Variants in GALNT2 observed in about 807,000 individuals in gnomAD.
The protein encoded by GALNT2 is polypeptide N-acetylgalactosaminyltransferase 2.
A neutral mutation model predicts 81.4 loss-of-function variants in GALNT2; 31 were observed. That is an observed-to-expected ratio of 0.38 (90% CI 0.29 to 0.51). The LOEUF (loss-of-function observed/expected upper bound fraction) is 0.51, where lower values mean the gene tolerates loss of function less well. Ranked by LOEUF, GALNT2 falls within the 20% of genes least tolerant of loss-of-function variation. The probability of loss-of-function intolerance (pLI) is 0.87; values close to 1 mark genes in which losing one functional copy is unlikely to be tolerated. For missense variants in GALNT2, 629 were observed against 765.7 expected (o/e 0.82, Z 2.11); for synonymous variants, 303 against 287.4 (o/e 1.05, Z -0.55).
rs1016274993 is a variant in GALNT2 at position 230,207,402 on chromosome 1, CCAAA to C, written c.374+4119_374+4122del. 5.9e-5 allele frequency among the ~76,000 whole-genome samples: 9 copies of C among 152,004 alleles called. No individual in the cohort carries two copies. In the South Asian group the frequency reaches 1.0e-3, roughly 18 times the overall value. The stretch of plus-strand genomic sequence containing the variant: ...ACAAGGAATAAGGCTTCAGAGCCTC[CCAAA>C]CAAACAGACAAACAAAAAACTCTGG... On this transcript the variant is annotated intron_variant, in intron 3 of 15. Coordinates refer to ENST00000366672, the MANE Select transcript of GALNT2 (RefSeq NM_004481.5).
chr1:230,273,999 T>C (rs1354908458), intron 14 of GALNT2, among the ~76,000 whole-genome samples: 2 of 152,250 alleles, frequency 1.3e-5, no homozygotes, highest in Non-Finnish European at 2.9e-5. Flanking sequence ...TCATCAATGC[T>C]GTTTGCAGGC....
chr1:230,249,895 C>T (rs1352733658), intron 9 of GALNT2, among the ~76,000 whole-genome samples: 1 of 152,222 alleles, frequency 6.6e-6, no homozygotes, highest in Non-Finnish European at 1.5e-5. Context: ...ACACTGAATT[C>T]GCACAGCATC....
At position 230,275,457 on chromosome 1, in the gene GALNT2, T is replaced by C. The variant is rs192852627; in HGVS notation, c.1560+893T>C. Among the ~76,000 whole-genome samples, 4 of 151,196 alleles carry C rather than the reference T, an allele frequency of 2.6e-5. No individual in the cohort carries two copies. In the East Asian group the frequency reaches 7.8e-4, roughly 29 times the overall value. On this transcript the variant is annotated intron_variant, in intron 15 of 15. Transcript: ENST00000366672. This position sits in a 1 kb window ranked among gnomAD's most constrained non-coding sequence, Gnocchi z 5.5. The stretch of plus-strand genomic sequence containing the variant: ...CACATATATATACACGCCACATATA[T>C]ACATATATACAAACACCACATATAT...
chr1:230,120,484 A>G (rs1302293581), intron 1 of GALNT2, among the ~76,000 whole-genome samples: 11 of 151,998 alleles, frequency 7.2e-5, no homozygotes. Context: ...ACCTCCACAC[A>G]TCCCTGGAGT....
At chr1:230,197,766 A>G (rs917317456) in intron 2 of GALNT2, among the ~76,000 whole-genome samples, 1 of 151,960 alleles carries the variant, frequency 6.6e-6, no homozygotes, top group Admixed American at 6.5e-5. Context: ...GTGTGTGTGC[A>G]TGCGTGCGTA....
intron 1 of GALNT2, among the ~76,000 whole-genome samples, chr1:230,134,921 C>T (rs1173935125): frequency 2.0e-5 from 3 of 152,184 alleles, no homozygotes; most frequent in Non-Finnish European, 2.9e-5. Flanking sequence ...CCAGTTTCTC[C>T]GCTGTATTTA....
chr1:230,075,634 T>C (rs1374996088), intron 1 of GALNT2, among the ~76,000 whole-genome samples: 4 of 152,106 alleles, frequency 2.6e-5, no homozygotes, highest in African/African-American at 9.7e-5. Flanking sequence ...AGTACACCAG[T>C]TGTTGTAGCA....
At chr1:230,260,877 A>G (rs1414602047) in intron 11 of GALNT2, among the ~76,000 whole-genome samples, 2 of 152,092 alleles carry the variant, frequency 1.3e-5, no homozygotes, top group Non-Finnish European at 2.9e-5. Context: ...GTCAGTATCT[A>G]TTTCTGTCTC....
intron 8 of GALNT2, among the ~76,000 whole-genome samples, chr1:230,247,250 C>G (rs1009149742): frequency 1.3e-5 from 2 of 152,122 alleles, no homozygotes; most frequent in African/African-American, 4.8e-5. Context: ...TGCAAGCAAG[C>G]CTTAACCCCA....
At chr1:230,209,319 G>C (rs966914590) in intron 3 of GALNT2, among the ~76,000 whole-genome samples, 9 of 151,980 alleles carry the variant, frequency 5.9e-5, no homozygotes, top group Non-Finnish European at 1.0e-4. Context: ...GTCCTTTGTG[G>C]AGGTGATTAA....
intron 1 of GALNT2, among the ~76,000 whole-genome samples, chr1:230,121,948 C>CT (rs11430880): frequency 0.45 from 47,273 of 104,138 alleles, 11,299 homozygotes; most frequent in Non-Finnish European, 0.53. Context: ...TACTGTTATG[C>CT]TTTTTTTTTT....
chr1:230,106,825 T>C (rs1660558979), intron 1 of GALNT2, among the ~76,000 whole-genome samples: 1 of 152,204 alleles, frequency 6.6e-6, no homozygotes, highest in Non-Finnish European at 1.5e-5. Context: ...TGCTCACAGG[T>C]GCCTTAGCCT....
chr1:230,140,250 A>G (rs974143838), intron 1 of GALNT2, among the ~76,000 whole-genome samples: 5 of 151,736 alleles, frequency 3.3e-5, no homozygotes, highest in African/African-American at 1.2e-4. Flanking sequence ...CCTGTGCTTC[A>G]TGTTTGGAGA....
chr1:230,163,711 G>C (rs573464925), intron 1 of GALNT2, among the ~76,000 whole-genome samples: 12 of 152,344 alleles, frequency 7.9e-5, no homozygotes, highest in South Asian at 4.1e-4. Context: ...GAAGTGTGTG[G>C]AAAGGAGAAG....
chr1:230,236,607 A>AAG (rs1665040422), intron 5 of GALNT2, 53 bp from the exon 6 acceptor site: 18 of 1,561,158 alleles, frequency 1.2e-5, no homozygotes, highest in Non-Finnish European at 1.6e-5. Context: ...GTTGAATGCA[A>AAG]AGCCCTTTAT....
chr1:230,251,198 G>A (rs1018722338), intron 10 of GALNT2, among the ~76,000 whole-genome samples: 12 of 152,098 alleles, frequency 7.9e-5, no homozygotes, highest in Non-Finnish European at 1.6e-4. Flanking sequence ...TTTGGAGTGG[G>A]GGAGATCTTT....
chr1:230,065,280 T>G (rs1005119574), upstream of GALNT2, among the ~76,000 whole-genome samples: 1 of 152,230 alleles, frequency 6.6e-6, no homozygotes, highest in Non-Finnish European at 1.5e-5. Context: ...TATTTTCCCT[T>G]GGACACCTTG....
chr1:230,065,684 T>C (rs1225672904), upstream of GALNT2, among the ~76,000 whole-genome samples: 2 of 152,248 alleles, frequency 1.3e-5, no homozygotes, highest in Non-Finnish European at 2.9e-5. Context: ...CTTTTATCTG[T>C]GTACTGAAAT....
intron 1 of GALNT2, among the ~76,000 whole-genome samples, chr1:230,082,870 A>G (rs1659778113): frequency 6.6e-6 from 1 of 152,178 alleles, no homozygotes; most frequent in South Asian, 2.1e-4. Context: ...ATAATGGAGC[A>G]TGGAGCCAGG....
Sources: allele counts gnomAD v4.1 joint callset (sites outside exome capture counted in the v4.1 genomes callset), GRCh38; gene constraint gnomAD v4.1.1; non-coding constraint Gnocchi (gnomAD v3.1); transcripts MANE v1.5; gene names NCBI Gene and HGNC (gene_info 2026-07-23, HGNC 2026-07-21).